ADAMTS17: variants seen among roughly 807,000 people sequenced by gnomAD.
ADAMTS17 encodes A disintegrin and metalloproteinase with thrombospondin motifs 17.
ADAMTS17 carries 113 observed loss-of-function variants against 141.5 expected under a neutral mutation model. The ratio of observed to expected loss-of-function variants is 0.80; its 90% CI spans 0.69 to 0.93. ADAMTS17 has a LOEUF of 0.93. ADAMTS17 is among the 40% of genes least tolerant of loss of function. The pLI is 0.00. For missense variants in ADAMTS17, 1,659 were observed against 1,517.9 expected, an observed-to-expected ratio of 1.09 and a Z score of -1.54; for synonymous variants, 768 against 630.6, an observed-to-expected ratio of 1.22 and a Z score of -3.27.
intron 10 of ADAMTS17, among the ~76,000 whole-genome samples, chr15:100,135,815 A>T (rs547845478): frequency 6.6e-6 from 1 of 152,350 alleles, no homozygotes; most frequent in South Asian, 2.1e-4. Context: ...TAGTAAACAT[A>T]TGAAAAGGTG....
At chr15:100,078,058 A>G (rs2034498152) in intron 15 of ADAMTS17, among the ~76,000 whole-genome samples, 5 of 152,340 alleles carry the variant, frequency 3.3e-5, no homozygotes, top group Middle Eastern at 3.4e-3. Context: ...GAGGGTTTGT[A>G]AGATGAAGAC....
intron 20 of ADAMTS17, among the ~76,000 whole-genome samples, chr15:99,977,349 C>CATGTATATATATATATATATATATAT: frequency 3.3e-5 from 1 of 30,332 alleles, no homozygotes; most frequent in East Asian, 1.3e-3. Context: ...CCCTCCTCTT[C>CATGTATATATATATATATATATATAT]ATATATATAT....
chr15:100,156,355 C>T (rs951020325), intron 8 of ADAMTS17, among the ~76,000 whole-genome samples: 2 of 152,194 alleles, frequency 1.3e-5, no homozygotes, highest in African/African-American at 4.8e-5. Flanking sequence ...GCCTGCAGGC[C>T]ACCCCCACAC....
chr15:100,301,338 T>C (rs2045026463), intron 3 of ADAMTS17, among the ~76,000 whole-genome samples: 1 of 131,502 alleles, frequency 7.6e-6, no homozygotes, highest in African/African-American at 2.8e-5. Flanking sequence ...TATATATATA[T>C]ATTTTTCTGA....
chr15:100,109,022 G>C lies in ADAMTS17; in HGVS notation c.1983C>G (p.Tyr661Ter), dbSNP rs764532883. The C allele has an allele frequency of 1.9e-6, 3 of 1,614,092 alleles. No individual in the cohort carries two copies. Among genetic ancestry groups the C allele is most frequent in the Non-Finnish European group, 2.5e-6 (3 of 1,180,026 alleles). ...TGCCGTGCACGCAGAGATCAGTCTC[G>C]TAGGGCCCGCAGGGTGTACCGTCCA... is the stretch of plus-strand genomic sequence containing the variant. ...RVLDGTPCGP[Y>*]ETDLCVHGKC... The change falls in exon 14 of 22, where the codon TAC becomes TAG. Residue 661 changes from tyrosine to a stop codon, truncating the protein, a stop_gained. Transcript: ENST00000268070. LOFTEE classifies it high-confidence loss of function.
intron 15 of ADAMTS17, among the ~76,000 whole-genome samples, chr15:100,070,976 C>A (rs4965579): frequency 6.7e-6 from 1 of 149,598 alleles, no homozygotes; most frequent in Non-Finnish European, 1.5e-5. Flanking sequence ...AAAAGATCAA[C>A]AAAATTGACA....
At chr15:100,267,484 C>CTT (rs1275077148) in intron 4 of ADAMTS17, among the ~76,000 whole-genome samples, 1 of 152,084 alleles carries the variant, frequency 6.6e-6, no homozygotes, top group Non-Finnish European at 1.5e-5. Context: ...TAATTCATTT[C>CTT]TTTTTTTATT....
intron 4 of ADAMTS17, among the ~76,000 whole-genome samples, chr15:100,264,795 T>C (rs1426877855): frequency 6.6e-6 from 1 of 151,930 alleles, no homozygotes; most frequent in East Asian, 1.9e-4. Flanking sequence ...TGGGAAAGTT[T>C]CGTGTTCCAG....
chr15:100,245,834 C>A (rs561826910), intron 7 of ADAMTS17, among the ~76,000 whole-genome samples: 23 of 152,316 alleles, frequency 1.5e-4, no homozygotes, highest in Admixed American at 7.2e-4. Flanking sequence ...AGCACACACA[C>A]TGCACACTTC....
intron 20 of ADAMTS17, among the ~76,000 whole-genome samples, chr15:99,984,078 C>A (rs532008420): frequency 6.6e-6 from 1 of 152,144 alleles, no homozygotes; most frequent in Non-Finnish European, 1.5e-5. Flanking sequence ...ACGCCCCCTG[C>A]GACGCCTGCT....
intron 3 of ADAMTS17, among the ~76,000 whole-genome samples, chr15:100,310,116 C>T (rs544624747): frequency 1.1e-4 from 17 of 152,272 alleles, no homozygotes; most frequent in African/African-American, 4.1e-4. Context: ...CAAGCAGGCC[C>T]GTGACAGAAA....
At chr15:100,054,197 G>A (rs1298621152) in intron 15 of ADAMTS17, 143 bp from the exon 16 acceptor site, 3 of 937,454 alleles carry the variant, frequency 3.2e-6, no homozygotes, top group African/African-American at 1.6e-5. Context: ...AGCGAGAGAA[G>A]GCGAGTGCTC....
At chr15:100,135,360 T>C (rs1315675115) in intron 10 of ADAMTS17, among the ~76,000 whole-genome samples, 1 of 151,778 alleles carries the variant, frequency 6.6e-6, no homozygotes, top group East Asian at 1.9e-4. Flanking sequence ...CTCGGCTCAC[T>C]GCAAGCTCCG....
chr15:100,181,216 T>G (rs2040513647), intron 8 of ADAMTS17, among the ~76,000 whole-genome samples: 1 of 152,074 alleles, frequency 6.6e-6, no homozygotes, highest in South Asian at 2.1e-4. Context: ...GGCAGTGGAC[T>G]CCCCTCTGGC....
chr15:100,267,440 C>T (rs2043755311), intron 4 of ADAMTS17, among the ~76,000 whole-genome samples: 2 of 152,242 alleles, frequency 1.3e-5, no homozygotes, highest in South Asian at 2.1e-4. Context: ...GCTGTGAACA[C>T]GGGTGTACAG....
chr15:100,279,109 C>A (rs1244336774), intron 4 of ADAMTS17, among the ~76,000 whole-genome samples: 1 of 152,186 alleles, frequency 6.6e-6, no homozygotes, highest in African/African-American at 2.4e-5. Context: ...CTTGCCCAGC[C>A]ACAGCCCCGC....
At chr15:100,279,997 C>CG (rs2044228310) in intron 4 of ADAMTS17, among the ~76,000 whole-genome samples, 1 of 152,166 alleles carries the variant, frequency 6.6e-6, no homozygotes, top group African/African-American at 2.4e-5. Context: ...CCCATCCCCC[C>CG]CAGGGCTGGT....
At chr15:100,285,023 C>G (rs551811704) in intron 3 of ADAMTS17, among the ~76,000 whole-genome samples, 21 of 152,328 alleles carry the variant, frequency 1.4e-4, no homozygotes, top group Non-Finnish European at 2.8e-4. Context: ...AAGCCTTCTC[C>G]TGTTGTCACA....
intron 18 of ADAMTS17, among the ~76,000 whole-genome samples, chr15:100,002,415 T>G (rs1054139682): frequency 6.6e-6 from 1 of 151,988 alleles, no homozygotes; most frequent in African/African-American, 2.4e-5. Flanking sequence ...GCATGGCCAT[T>G]CCCAGCACGT....
Sources: gnomAD v4.1 joint callset for allele counts (sites outside exome capture counted in the v4.1 genomes callset) on GRCh38, gnomAD v4.1.1 for gene constraint, MANE v1.5 for transcripts, NCBI Gene and HGNC (gene_info 2026-07-23, HGNC 2026-07-21) for gene names.